Variants in ZNF500 observed in about 807,000 individuals in gnomAD.
ZNF500 encodes zinc finger protein with KRAB and SCAN domains 18.
Under a neutral mutation model 30.1 loss-of-function variants are expected in ZNF500, and 31 were observed. The ratio of observed to expected loss-of-function variants is 1.03; its 90% confidence interval spans 0.77 to 1.39. The LOEUF (loss-of-function observed/expected upper bound fraction) is 1.39, where lower values mean the gene tolerates loss of function less well. Among genes scored for constraint, ZNF500 ranks in the 40% most tolerant of loss-of-function variants. ZNF500 has a pLI of 0.00. For synonymous variants in ZNF500, 392 were observed against 282.0 expected, an observed-to-expected ratio of 1.39 and a Z score of -3.91; for missense variants, 817 against 657.8, an observed-to-expected ratio of 1.24 and a Z score of -2.65.
intron 5 of ZNF500, 46 bp downstream of exon 5, chr16:4,760,446 C>G: frequency 6.3e-7 from 1 of 1,581,044 alleles, no homozygotes. Context: ...CTGACAGTTC[C>G]TATTTTTGGC....
downstream of ZNF500, chr16:4,746,913 T>C (rs1471280329): frequency 2.0e-6 from 3 of 1,538,312 alleles, no homozygotes; most frequent in East Asian, 2.5e-5. Context: ...AGAAACCCAT[T>C]TCTCTCCCTG....
chr16:4,753,215 C>A, intron 5 of ZNF500, 157 bp from the exon 6 acceptor site: 3 of 1,356,346 alleles, frequency 2.2e-6, no homozygotes, highest in Non-Finnish European at 2.9e-6. Context: ...AATCCCAGCA[C>A]TTTGGAAGGC....
At chr16:4,746,508 G>C (rs926037315), downstream of ZNF500, 6 of 1,613,208 alleles carry the variant, frequency 3.7e-6, no homozygotes, top group African/African-American at 1.3e-5. Flanking sequence ...CCTGTCCCCA[G>C]AAAGGTCCGG....
chr16:4,746,670 G>A (rs551371243), downstream of ZNF500: 87 of 1,081,452 alleles, frequency 8.0e-5, 1 homozygote, highest in South Asian at 1.4e-3. Flanking sequence ...GTCCCCCTGG[G>A]TCCCTGCAGG....
chr16:4,746,869 A>T, downstream of ZNF500: 1 of 1,424,660 alleles, frequency 7.0e-7, no homozygotes, highest in Non-Finnish European at 9.4e-7. Flanking sequence ...AAGCCCCAAC[A>T]AGAGTTGGAA....
intron 1 of ZNF500, 92 bp from the exon 2 acceptor site, chr16:4,766,168 G>GAT: frequency 1.9e-6 from 1 of 527,196 alleles, no homozygotes; most frequent in East Asian, 3.2e-5. Context: ...TCCAAGGCCA[G>GAT]CTCACCCCAC....
Position 4,751,938 on chromosome 16 carries a change from G to A in ZNF500, c.*438C>T, listed in dbSNP as rs77245739. On this transcript the variant is annotated 3_prime_UTR_variant, in exon 6 of 6. Coordinates refer to ENST00000219478, the MANE Select transcript of ZNF500 (RefSeq NM_021646.4). Reference sequence around the variant, plus strand: ...AAAAAGGGGGGGGGAGCAGGTGGGGGGTACACACAGAGACAGCGCACAGGG... The same window carrying A: ...AAAAAGGGGGGGGGAGCAGGTGGGGAGTACACACAGAGACAGCGCACAGGG... 1.8e-5 allele frequency: 7 copies of A among 399,660 alleles called. No individual in the cohort carries two copies. Among genetic ancestry groups the A allele is most frequent in the South Asian group, 7.4e-5 (2 of 27,012 alleles). The allele number at this position is 399,660 out of a possible 1,614,324, so 24.8% of individuals were successfully genotyped here. A position where few individuals can be genotyped will look rare whatever the true frequency, so the allele number is the denominator to read the frequency against.
intron 5 of ZNF500, among the ~76,000 whole-genome samples, chr16:4,754,338 G>T (rs558053265): frequency 3.9e-5 from 6 of 152,030 alleles, no homozygotes; most frequent in African/African-American, 1.2e-4. Flanking sequence ...GGTTTGGCAC[G>T]TACTGAGCCT....
At chr16:4,761,256 G>T (rs149378094) in intron 4 of ZNF500, among the ~76,000 whole-genome samples, 1 of 151,960 alleles carries the variant, frequency 6.6e-6, no homozygotes, top group African/African-American at 2.4e-5. Flanking sequence ...GGCCAACATG[G>T]TGAAACCCCA....
Position 4,749,409 on chromosome 16 carries a change from GTGTC to G in ZNF500, c.*2963_*2966del, listed in dbSNP as rs1335318853. ...GTTCCAAGTTCAACTCTGAATTACT[GTGTC>G]TGTCAAGGCAAGGGGAGTGAGGTAG... On this transcript the variant is annotated 3_prime_UTR_variant, in exon 6 of 6. Transcript: ENST00000219478. 8 of 154,432 alleles carry G rather than the reference GTGTC, an allele frequency of 5.2e-5. No homozygotes were observed. Among genetic ancestry groups the G allele is most frequent in the African/African-American group, 1.9e-4 (8 of 41,522 alleles). The allele number at this position is 154,432 out of a possible 1,614,324, so 9.6% of individuals were successfully genotyped here. A position where few individuals can be genotyped will look rare whatever the true frequency, so the allele number is the denominator to read the frequency against.
downstream of ZNF500, chr16:4,747,606 C>G: frequency 6.2e-7 from 1 of 1,608,930 alleles, no homozygotes; most frequent in Non-Finnish European, 8.5e-7. Flanking sequence ...GCCCTGATGC[C>G]TCCTCTGGAG....
Position 4,750,695 on chromosome 16 carries a change from T to C in ZNF500, c.*1681A>G, listed in dbSNP as rs1307827945. The stretch of plus-strand genomic sequence containing the variant: ...TTTTAGTAGAGATGGGGTTTCACCA[T>C]GTTGGCCAGGATGGTCTCGATCTCC... On this transcript the variant is annotated 3_prime_UTR_variant, in exon 6 of 6. Transcript: ENST00000219478. 2 of 151,802 alleles carry C rather than the reference T, an allele frequency of 1.3e-5. No homozygotes were observed. The highest frequency in any genetic ancestry group is 1.5e-5 in the Non-Finnish European group (1 of 68,020). The allele number at this position is 151,802 out of a possible 1,614,324, so 9.4% of individuals were successfully genotyped here.
In ZNF500 at chr16:4,752,953, G is replaced by T. The variant is rs144589745; in HGVS notation, c.866C>A (p.Pro289Gln). ...TGGGGCTGGCCTCTGACCTGGGAGC[G>T]GGTGGCCAGGCCCCTGGCATCGTGC... ...LSARCQGPGH[P>Q]LPGQRPAPVR... Residue 289 changes from proline to glutamine, a missense_variant, in exon 6 of 6, where the codon CCG becomes CAG. By Grantham distance (76) the Pro-to-Gln change is moderately conservative (BLOSUM62 -1). Coordinates refer to ENST00000219478, the MANE Select transcript of ZNF500 (RefSeq NM_021646.4). 1 of 1,610,544 alleles carries T rather than the reference G, an allele frequency of 6.2e-7. No individual in the cohort carries two copies. Among genetic ancestry groups the T allele is most frequent in the South Asian group, 1.1e-5 (1 of 91,024 alleles).
At chr16:4,744,987 C>T, downstream of ZNF500, 1 of 1,613,642 alleles carries the variant, frequency 6.2e-7, no homozygotes, top group Non-Finnish European at 8.5e-7. Context: ...CCCCAGGACA[C>T]CAAAGAGGCA....
chr16:4,748,181 A>T (rs1399974209), downstream of ZNF500: 1 of 151,254 alleles, frequency 6.6e-6, no homozygotes, highest in Non-Finnish European at 1.5e-5. Context: ...GAGACGCAGC[A>T]GCTGGGACTA....
chr16:4,747,410 G>A (rs148678041), downstream of ZNF500: 32 of 1,612,796 alleles, frequency 2.0e-5, no homozygotes, highest in Admixed American at 1.8e-4. Flanking sequence ...AGCCCAGCCC[G>A]AGCTGCCTGC....
chr16:4,764,597 C>T (rs551538957), intron 2 of ZNF500, among the ~76,000 whole-genome samples: 22 of 152,012 alleles, frequency 1.4e-4, no homozygotes, highest in East Asian at 3.9e-4. Context: ...CTGGCTAACA[C>T]GGTGAAACCC....
At position 4,752,743 on chromosome 16, in the gene ZNF500, C is replaced by T; in HGVS notation, c.1076G>A (p.Gly359Glu). The T allele has an allele frequency of 6.2e-7, 1 of 1,614,230 alleles. No individual in the cohort carries two copies. The highest frequency in any genetic ancestry group is 8.5e-7 in the Non-Finnish European group (1 of 1,180,032). The change falls in exon 6 of 6, where the codon GGG becomes GAG. Residue 359 changes from glycine (G) to glutamate (E), a missense_variant. By Grantham distance (98) the Gly-to-Glu change is moderately conservative. Coordinates refer to ENST00000219478, the MANE Select transcript of ZNF500 (RefSeq NM_021646.4). ...GTTGGAGCGGTCGCTAAAGCCCTTC[C>T]CACAGACTAGGCACTTGTAAGGCCG... ...GERPYKCLVC[G>E]KGFSDRSNFS...
rs200288069 is a variant in ZNF500, at chr16:4,753,036, G to A, written c.783C>T (p.Asp261=). 1.4e-5 allele frequency: 21 copies of A among 1,528,114 alleles called. No homozygotes were observed. Among genetic ancestry groups the A allele is most frequent in the Admixed American group, 8.1e-5 (4 of 49,644 alleles). 94.7% of individuals were successfully genotyped at this position (1,528,114 alleles called of 1,614,324 possible). A position where few individuals can be genotyped will look rare whatever the true frequency, so the allele number is the denominator to read the frequency against. The change falls in exon 6 of 6, where the codon GAC becomes GAT. Residue 261 remains aspartate (D), a synonymous_variant. Transcript: ENST00000219478. The part of the protein sequence containing the change: ...ENEGPGIQLE[D]GGDGREDAPL... ...GGGCATCCTCCCTGCCATCACCGCCGTCCTCCAACTGGATCCCAGGTCCTG... is the reference window on the plus strand; with the variant it reads ...GGGCATCCTCCCTGCCATCACCGCCATCCTCCAACTGGATCCCAGGTCCTG...
Sources: allele counts gnomAD v4.1 joint callset (sites outside exome capture counted in the v4.1 genomes callset), GRCh38; gene constraint gnomAD v4.1.1; transcripts MANE v1.5; gene names NCBI Gene and HGNC (gene_info 2026-07-23, HGNC 2026-07-21).